ANO4: variants seen among roughly 807,000 people sequenced by gnomAD.
ANO4 encodes anoctamin-4.
Under a neutral mutation model 141.9 loss-of-function variants are expected in ANO4, and 69 were observed. The ratio of observed to expected loss-of-function variants is 0.49; its 90% confidence interval spans 0.40 to 0.59. ANO4 has a LOEUF of 0.59. Among genes scored for constraint, ANO4 ranks in the 20% least tolerant of loss-of-function variants. The pLI is 0.00. For missense variants in ANO4, 894 were observed against 1,162.2 expected, an observed-to-expected ratio of 0.77 and a Z score of 3.36; for synonymous variants, 350 against 394.3, an observed-to-expected ratio of 0.89 and a Z score of 1.33.
intron 7 of ANO4, among the ~76,000 whole-genome samples, chr12:100,986,952 A>G (rs7312530): frequency 0.19 from 29,104 of 152,060 alleles, 3,053 homozygotes; most frequent in African/African-American, 0.27. Context: ...CCCTAGCACC[A>G]TGAGAACCAT....
intron 8 of ANO4, among the ~76,000 whole-genome samples, chr12:100,988,505 A>G (rs1305789026): frequency 2.0e-5 from 3 of 151,746 alleles, no homozygotes; most frequent in African/African-American, 7.3e-5. Context: ...AGCCTCCATA[A>G]AAATGACTTA....
At chr12:100,738,004 TTC>T (rs907640904) in intron 2 of ANO4, among the ~76,000 whole-genome samples, 1 of 152,210 alleles carries the variant, frequency 6.6e-6, no homozygotes, top group African/African-American at 2.4e-5. Flanking sequence ...CCTAAAACTA[TTC>T]TGTTTATCCA....
intron 6 of ANO4, among the ~76,000 whole-genome samples, chr12:100,971,795 T>A (rs2043945469): frequency 1.3e-5 from 2 of 152,118 alleles, no homozygotes; most frequent in Admixed American, 1.3e-4. Flanking sequence ...CAGAAAAACA[T>A]TAAAATGTAT....
chr12:100,726,403 C>T (rs1242494085), intron 1 of ANO4, among the ~76,000 whole-genome samples: 3 of 152,216 alleles, frequency 2.0e-5, no homozygotes, highest in African/African-American at 7.2e-5. Flanking sequence ...CCTGATTACA[C>T]TTGTAATTCT....
chr12:100,812,464 A>G (rs2035498484), intron 1 of ANO4, among the ~76,000 whole-genome samples: 1 of 150,048 alleles, frequency 6.7e-6, no homozygotes, highest in Non-Finnish European at 1.5e-5. Flanking sequence ...ATATGTTTGT[A>G]TTTATGTATA....
chr12:100,893,189 G>T (rs2040187596), intron 1 of ANO4, among the ~76,000 whole-genome samples: 1 of 151,300 alleles, frequency 6.6e-6, no homozygotes, highest in South Asian at 2.1e-4. Context: ...GATCTTAGGA[G>T]AATATATTGG....
Position 101,083,827 on chromosome 12 carries a change from CT to C in ANO4, c.1536+13del. ...CTGGAATATTTTTTATGGTTTGAAA[CT>C]TTTAAAAAAATATTTGTTTCATAAA... is the stretch of plus-strand genomic sequence containing the variant. On this transcript the variant is annotated intron_variant, in intron 16 of 27. Transcript: ENST00000392977. 3 of 1,543,586 alleles carry C rather than the reference CT, an allele frequency of 1.9e-6. No homozygotes were observed. The highest frequency in any genetic ancestry group is 2.6e-6 in the Non-Finnish European group (3 of 1,153,540).
chr12:100,983,018 T>G (rs2044551661), intron 7 of ANO4, among the ~76,000 whole-genome samples: 1 of 152,216 alleles, frequency 6.6e-6, no homozygotes, highest in African/African-American at 2.4e-5. Flanking sequence ...AATCTTATGC[T>G]TTCCAGCCTA....
intron 1 of ANO4, among the ~76,000 whole-genome samples, chr12:100,821,928 G>A (rs1044718627): frequency 1.3e-5 from 2 of 151,764 alleles, no homozygotes; most frequent in African/African-American, 4.8e-5. Context: ...TTCTCAAATT[G>A]CCCCTCCCCA....
chr12:100,839,210 G>T (rs2037108023), intron 1 of ANO4, among the ~76,000 whole-genome samples: 1 of 152,054 alleles, frequency 6.6e-6, no homozygotes, highest in Non-Finnish European at 1.5e-5. Context: ...TTGTGGATTT[G>T]TACCAGAACT....
intron 3 of ANO4, among the ~76,000 whole-genome samples, chr12:100,930,713 T>G (rs918945076): frequency 2.6e-5 from 4 of 152,192 alleles, no homozygotes; most frequent in Non-Finnish European, 4.4e-5. Context: ...GCAGGTTCTT[T>G]AGGGAGATGT....
intron 2 of ANO4, among the ~76,000 whole-genome samples, chr12:100,919,555 A>G (rs556517116): frequency 6.6e-6 from 1 of 152,034 alleles, no homozygotes; most frequent in African/African-American, 2.4e-5. Flanking sequence ...GGCTATACCA[A>G]CTATGTTTGT....
At chr12:101,094,338 A>G in intron 18 of ANO4, 46 bp downstream of exon 18, 1 of 1,497,142 alleles carries the variant, frequency 6.7e-7, no homozygotes, top group African/African-American at 1.4e-5. Context: ...TGTGGGCTAG[A>G]GAGTATGGTT....
At position 101,079,272 on chromosome 12, in the gene ANO4, G is replaced by T. The variant is rs766389994; in HGVS notation, c.1392G>T (p.Glu464Asp). 1 of 1,613,216 alleles carries T rather than the reference G, an allele frequency of 6.2e-7. No homozygotes were observed. The highest frequency in any genetic ancestry group is 1.1e-5 in the South Asian group (1 of 91,054). ...YDWDLIDWEE[E>D]EEEIRPQFEA... The stretch of plus-strand genomic sequence containing the variant: ...GGGATTTGATAGACTGGGAAGAAGA[G>T]GAGGTTTGTATCATTTACCTCAGAA... The change falls in exon 15 of 28, where the codon GAG becomes GAT. Residue 464 changes from glutamate to aspartate, a missense_variant. Glu to Asp is a conservative substitution (Grantham distance 45). Transcript: ENST00000392977.
intron 16 of ANO4, among the ~76,000 whole-genome samples, 160 bp from the exon 17 acceptor site, chr12:101,086,500 G>C (rs2049506539): frequency 6.6e-6 from 1 of 152,146 alleles, no homozygotes. Flanking sequence ...GCAAGAGAAA[G>C]TATTAACCAC....
intron 1 of ANO4, among the ~76,000 whole-genome samples, chr12:100,886,645 A>G (rs1156588522): frequency 6.6e-6 from 1 of 152,168 alleles, no homozygotes; most frequent in Non-Finnish European, 1.5e-5. Flanking sequence ...TACAGCCCAC[A>G]GGCCAAATCC....
chr12:101,012,703 A>C (rs4764778), intron 8 of ANO4, among the ~76,000 whole-genome samples: 1 of 152,046 alleles, frequency 6.6e-6, no homozygotes, highest in Non-Finnish European at 1.5e-5. Flanking sequence ...CATTTTTTTT[A>C]AAAAATCATT....
intron 1 of ANO4, among the ~76,000 whole-genome samples, chr12:100,873,064 C>A (rs1336323876): frequency 6.6e-6 from 1 of 152,198 alleles, no homozygotes; most frequent in Non-Finnish European, 1.5e-5. Flanking sequence ...CTTTTGCCTT[C>A]TGCCATGGTT....
intron 1 of ANO4, among the ~76,000 whole-genome samples, chr12:100,800,690 C>T (rs188730716): frequency 3.7e-4 from 56 of 152,278 alleles, no homozygotes; most frequent in Admixed American, 3.7e-3. Context: ...TTACCTGTTT[C>T]CTAGAATCTT....
Sources: allele counts gnomAD v4.1 joint callset (sites outside exome capture counted in the v4.1 genomes callset), GRCh38; gene constraint gnomAD v4.1.1; transcripts MANE v1.5; gene names NCBI Gene and HGNC (gene_info 2026-07-23, HGNC 2026-07-21).